Variants in LRRC8E observed in about 807,000 individuals in gnomAD.
The protein encoded by LRRC8E is volume-regulated anion channel subunit LRRC8E.
LRRC8E carries 6 observed loss-of-function variants against 6.1 expected under a neutral mutation model. The observed-to-expected ratio is 0.98, with a 90% confidence interval of 0.54 to 1.93. LRRC8E has a LOEUF of 1.93. Among genes scored for constraint, LRRC8E ranks in the 30% most tolerant of loss-of-function variants. The pLI, the probability that LRRC8E is intolerant of heterozygous loss-of-function variation, is 0.01. For missense variants in LRRC8E, 1,028 were observed against 1,031.4 expected, an observed-to-expected ratio of 1.00 and a Z score of 0.04; for synonymous variants, 485 against 472.8, an observed-to-expected ratio of 1.03 and a Z score of -0.33.
chr19:7,900,543 T>G lies in LRRC8E; in HGVS notation c.2021T>G (p.Leu674Arg), dbSNP rs201808339. ...KLETLPSQLG[L>R]CSGLRLLDVS... Reference sequence around the variant, plus strand: ...GAGACCCTGCCCTCCCAGCTCGGCCTGTGCTCAGGCCTCCGTCTGCTGGAT... The same window carrying G: ...GAGACCCTGCCCTCCCAGCTCGGCCGGTGCTCAGGCCTCCGTCTGCTGGAT... The change falls in exon 3 of 3, where the codon CTG (leucine) becomes CGG (arginine). Residue 674 changes from leucine to arginine, a missense_variant. Coordinates refer to ENST00000306708, the MANE Select transcript of LRRC8E (RefSeq NM_025061.6). The surrounding 1 kb of genome is among the most constrained non-coding windows in gnomAD (Gnocchi z 5.0). The G allele has an allele frequency of 6.2e-7, 1 of 1,613,126 alleles. No individual in the cohort carries two copies. Among genetic ancestry groups the G allele is most frequent in the East Asian group, 2.2e-5 (1 of 44,874 alleles).
At chr19:7,890,081 T>G (rs1406574038) in intron 1 of LRRC8E, among the ~76,000 whole-genome samples, 1 of 151,582 alleles carries the variant, frequency 6.6e-6, no homozygotes, top group African/African-American at 2.4e-5. Flanking sequence ...GGTTGGGCCT[T>G]GTTTTCTACA....
intron 1 of LRRC8E, among the ~76,000 whole-genome samples, chr19:7,890,807 C>T (rs183462322): frequency 1.8e-3 from 272 of 152,126 alleles, no homozygotes; most frequent in Non-Finnish European, 2.6e-3. Context: ...AAGAGATTCT[C>T]CTGCTTCAGC....
chr19:7,897,910 C>T (rs1189758273), intron 2 of LRRC8E, among the ~76,000 whole-genome samples: 2 of 152,022 alleles, frequency 1.3e-5, no homozygotes, highest in Non-Finnish European at 2.9e-5. Context: ...CTCCTTTTCT[C>T]AGACAAAGAC....
chr19:7,895,417 T>C lies in LRRC8E; in HGVS notation c.-5-182T>C. 3 of 680,314 alleles carry C rather than the reference T, an allele frequency of 4.4e-6. No individual in the cohort carries two copies. Among genetic ancestry groups the C allele is most frequent in the Non-Finnish European group, 5.0e-6 (2 of 402,980 alleles). The allele number at this position is 680,314 out of a possible 1,614,324, so 42.1% of individuals were successfully genotyped here. A position where few individuals can be genotyped will look rare whatever the true frequency, so the allele number is the denominator to read the frequency against. On this transcript the variant is annotated intron_variant, in intron 1 of 2. Transcript: ENST00000306708. This position sits in a 1 kb window ranked among gnomAD's most constrained non-coding sequence, Gnocchi z 4.7. ...TTGGTTCTGGGCAGGTGGTGACGTCTGCATGGAGGGTGACTAAGGCCAGGC... is the reference window on the plus strand; with the variant it reads ...TTGGTTCTGGGCAGGTGGTGACGTCCGCATGGAGGGTGACTAAGGCCAGGC...
chr19:7,900,200 C>A lies in LRRC8E; in HGVS notation c.1678C>A (p.Leu560Met). The A allele has an allele frequency of 6.2e-7, 1 of 1,612,982 alleles. No individual in the cohort carries two copies. Among genetic ancestry groups the A allele is most frequent in the Non-Finnish European group, 8.5e-7 (1 of 1,179,834 alleles). The change falls in exon 3 of 3, where the codon CTG (leucine) becomes ATG (methionine). Residue 560 changes from leucine to methionine, a missense_variant. Leu to Met is a conservative substitution (Grantham distance 15). Coordinates refer to ENST00000306708, the MANE Select transcript of LRRC8E (RefSeq NM_025061.6). This position sits in a 1 kb window ranked among gnomAD's most constrained non-coding sequence, Gnocchi z 5.0. ...CAGTGTGACCGACGTTGCTGGCCACCTGCAGAGGCTCAGCCTGCACAACGA... is the reference window on the plus strand; with the variant it reads ...CAGTGTGACCGACGTTGCTGGCCACATGCAGAGGCTCAGCCTGCACAACGA... Reference protein sequence around the residue: ...PASVTDVAGHLQRLSLHNDGA... With the variant: ...PASVTDVAGHMQRLSLHNDGA...
intron 1 of LRRC8E, among the ~76,000 whole-genome samples, chr19:7,892,305 C>G (rs1981356701): frequency 6.6e-6 from 1 of 151,916 alleles, no homozygotes; most frequent in Non-Finnish European, 1.5e-5. Flanking sequence ...ATCTCCTGAC[C>G]TCGTGATCCA....
chr19:7,898,993 C>A lies in LRRC8E; in HGVS notation c.471C>A (p.Phe157Leu), dbSNP rs770679242. Residue 157 changes from phenylalanine (F) to leucine (L), a missense_variant, in exon 3 of 3, where the codon TTC (phenylalanine) becomes TTA (leucine). Coordinates refer to ENST00000306708, the MANE Select transcript of LRRC8E (RefSeq NM_025061.6). ...EHFISILGKC[F>L]DSPWTTRALS... Reference sequence around the variant, plus strand: ...TCATCTCCATCCTGGGCAAGTGTTTCGACTCTCCATGGACCACCAGGGCCC... The same window carrying A: ...TCATCTCCATCCTGGGCAAGTGTTTAGACTCTCCATGGACCACCAGGGCCC... The A allele has an allele frequency of 1.9e-6, 3 of 1,613,990 alleles. No individual in the cohort carries two copies. The highest frequency in any genetic ancestry group is 2.2e-5 in the East Asian group (1 of 44,880).
At chr19:7,891,524 GGTGTGTGTGTGTGTGT>G (rs577011407) in intron 1 of LRRC8E, among the ~76,000 whole-genome samples, 1 of 125,850 alleles carries the variant, frequency 7.9e-6, no homozygotes, top group African/African-American at 2.6e-5. Flanking sequence ...TCCCTGCTCG[GGTGTGTGTGTGTGTGT>G]GTGTGTTTGT....
chr19:7,890,462 C>T (rs1981245607), intron 1 of LRRC8E, among the ~76,000 whole-genome samples: 1 of 152,104 alleles, frequency 6.6e-6, no homozygotes, highest in Admixed American at 6.5e-5. Context: ...GCAATCACGG[C>T]TCACTGCAAC....
At position 7,899,254 on chromosome 19, in the gene LRRC8E, C is replaced by T. The variant is rs1337185443; in HGVS notation, c.732C>T (p.His244=). The T allele has an allele frequency of 1.2e-5, 20 of 1,614,066 alleles. No homozygotes were observed. The highest frequency in any genetic ancestry group is 1.4e-5 in the Non-Finnish European group (17 of 1,180,042). Residue 244 remains histidine (H), a synonymous_variant, in exon 3 of 3, where the codon CAC becomes CAT. Coordinates refer to ENST00000306708, the MANE Select transcript of LRRC8E (RefSeq NM_025061.6). ...LFEKVKKFRM[H]VEEGDILYTM... ...AGAAGGTGAAGAAGTTCCGCATGCA[C>T]GTGGAAGAGGGCGACATCCTGTACA...
chr19:7,900,397 C>T lies in LRRC8E; in HGVS notation c.1875C>T (p.Ser625=). 1 of 1,612,902 alleles carries T rather than the reference C, an allele frequency of 6.2e-7. No homozygotes were observed. Among genetic ancestry groups the T allele is most frequent in the Non-Finnish European group, 8.5e-7 (1 of 1,179,868 alleles). Residue 625 remains serine (S), a synonymous_variant, in exon 3 of 3, where the codon AGC becomes AGT. Transcript: ENST00000306708. The surrounding 1 kb of genome is among the most constrained non-coding windows in gnomAD (Gnocchi z 5.0). The part of the protein sequence containing the change: ...NHLRSIEEIL[S]FQHCRKLVTL... The stretch of plus-strand genomic sequence containing the variant: ...TGCGCTCCATCGAGGAAATCCTCAG[C>T]TTCCAGCACTGCCGGAAGCTGGTCA...
chr19:7,901,741 A>G lies in LRRC8E; in HGVS notation c.*828A>G, dbSNP rs368424098. The G allele has an allele frequency of 6.6e-6, 1 of 151,978 alleles. No individual in the cohort carries two copies. Among genetic ancestry groups the G allele is most frequent in the Non-Finnish European group, 1.5e-5 (1 of 68,022 alleles). 9.4% of individuals were successfully genotyped at this position (151,978 alleles called of 1,614,324 possible). On this transcript the variant is annotated 3_prime_UTR_variant, in exon 3 of 3. Coordinates refer to ENST00000306708, the MANE Select transcript of LRRC8E (RefSeq NM_025061.6). The stretch of plus-strand genomic sequence containing the variant: ...AAAAAAAAAAAAATAGGGTATCCAA[A>G]TATCTAGATTCTGATCCCTTTTGAG...
In LRRC8E at chr19:7,900,442, C is replaced by T. The variant is rs140722386; in HGVS notation, c.1920C>T (p.Asn640=). The change falls in exon 3 of 3, where the codon AAC becomes AAT. Residue 640 remains asparagine, a synonymous_variant. Transcript: ENST00000306708. This position sits in a 1 kb window ranked among gnomAD's most constrained non-coding sequence, Gnocchi z 5.0. ...TGGTCACGCTCAGGCTGTGGCACAA[C>T]CAGATCGCCTACGTCCCTGAGCACG... The part of the protein sequence containing the change: ...RKLVTLRLWH[N]QIAYVPEHVR... 4.2e-5 allele frequency: 68 copies of T among 1,613,000 alleles called. No individual in the cohort carries two copies. The African/African-American group carries it at 8.7e-4, about 21-fold the overall frequency.
chr19:7,899,276 T>A lies in LRRC8E; in HGVS notation c.754T>A (p.Tyr252Asn), dbSNP rs956591528. 1 of 1,614,230 alleles carries A rather than the reference T, an allele frequency of 6.2e-7. No individual in the cohort carries two copies. The highest frequency in any genetic ancestry group is 8.5e-7 in the Non-Finnish European group (1 of 1,180,044). Residue 252 changes from tyrosine to asparagine, a missense_variant, in exon 3 of 3, where the codon TAC (tyrosine) becomes AAC (asparagine). Transcript: ENST00000306708. ...GCACGTGGAAGAGGGCGACATCCTGTACACCATGTACATCCGACAGACGGT... is the reference window on the plus strand; with the variant it reads ...GCACGTGGAAGAGGGCGACATCCTGAACACCATGTACATCCGACAGACGGT... ...RMHVEEGDIL[Y>N]TMYIRQTVLK...
In LRRC8E at chr19:7,895,527, C is replaced by G. The variant is rs144169035; in HGVS notation, c.-5-72C>G. 2 of 1,565,050 alleles carry G rather than the reference C, an allele frequency of 1.3e-6. No homozygotes were observed. The highest frequency in any genetic ancestry group is 1.2e-5 in the South Asian group (1 of 86,596). ...ACAGGCCTGCCTGTGTCCGGCTCCT[C>G]GGAGGACCCCCTGCAGAGCCTCCCA... On this transcript the variant is annotated intron_variant, in intron 1 of 2. Coordinates refer to ENST00000306708, the MANE Select transcript of LRRC8E (RefSeq NM_025061.6). This position sits in a 1 kb window ranked among gnomAD's most constrained non-coding sequence, Gnocchi z 4.7.
chr19:7,900,170 C>A lies in LRRC8E; in HGVS notation c.1648C>A (p.Pro550Thr). The change falls in exon 3 of 3, where the codon CCA becomes ACA. Residue 550 changes from proline (P) to threonine (T), a missense_variant. Coordinates refer to ENST00000306708, the MANE Select transcript of LRRC8E (RefSeq NM_025061.6). The surrounding 1 kb of genome is among the most constrained non-coding windows in gnomAD (Gnocchi z 5.0). ...LSLRSNAGKV[P>T]ASVTDVAGHL... is the part of the protein sequence containing the mutation. The stretch of plus-strand genomic sequence containing the variant: ...CCTCCGGAGCAACGCCGGGAAGGTG[C>A]CAGCCAGTGTGACCGACGTTGCTGG... The A allele has an allele frequency of 1.2e-6, 2 of 1,613,018 alleles. No homozygotes were observed. Among genetic ancestry groups the A allele is most frequent in the East Asian group, 4.5e-5 (2 of 44,872 alleles).
At chr19:7,898,602 A>C in intron 2 of LRRC8E, 59 bp from the exon 3 acceptor site, 1 of 1,458,982 alleles carries the variant, frequency 6.9e-7, no homozygotes, top group Non-Finnish European at 9.3e-7. Context: ...AAAGTGATCC[A>C]CTCGCCTTGG....
intron 1 of LRRC8E, chr19:7,893,621 C>A (rs982841372): frequency 2.0e-5 from 3 of 151,642 alleles, no homozygotes; most frequent in African/African-American, 7.3e-5. Flanking sequence ...GATCTCAGCT[C>A]ACCACAACCT....
rs887450219 is a variant in LRRC8E at position 7,901,063 on chromosome 19, G to A, written c.*150G>A. 1.7e-5 allele frequency: 11 copies of A among 661,310 alleles called. No homozygotes were observed. Among genetic ancestry groups the A allele is most frequent in the Non-Finnish European group, 2.2e-5 (9 of 412,594 alleles). The allele number at this position is 661,310 out of a possible 1,614,324, so 41.0% of individuals were successfully genotyped here. ...TGTGTCATCTTTCTGGGGCCCAGGA[G>A]GATCTGGGCTGGTTTGTCTGGGGAG... On this transcript the variant is annotated 3_prime_UTR_variant, in exon 3 of 3. Coordinates refer to ENST00000306708, the MANE Select transcript of LRRC8E (RefSeq NM_025061.6).
Sources: allele counts gnomAD v4.1 joint callset (sites outside exome capture counted in the v4.1 genomes callset), GRCh38; gene constraint gnomAD v4.1.1; non-coding constraint Gnocchi (gnomAD v3.1); transcripts MANE v1.5; gene names NCBI Gene and HGNC (gene_info 2026-07-23, HGNC 2026-07-21).